Variants in NF1 observed in about 807,000 individuals in gnomAD.
NF1 encodes neurofibromin 1.
A neutral mutation model predicts 325.7 loss-of-function variants in NF1; 122 were observed. That is an observed-to-expected ratio of 0.37 (90% CI 0.32 to 0.44). The LOEUF (loss-of-function observed/expected upper bound fraction) is 0.44, where lower values mean the gene tolerates loss of function less well. Ranked by LOEUF, NF1 falls within the 20% of genes least tolerant of loss-of-function variation. The pLI, the probability that NF1 is intolerant of heterozygous loss-of-function variation, is 1.00. For synonymous variants in NF1, 1,091 were observed against 1,186.0 expected (o/e 0.92, Z 1.65); for missense variants, 2,140 against 3,415.4 (o/e 0.63, Z 9.31).
chr17:31,113,736 G>A (rs185038695), intron 1 of NF1, among the ~76,000 whole-genome samples: 168 of 152,200 alleles, frequency 1.1e-3, no homozygotes, highest in African/African-American at 3.8e-3. Flanking sequence ...GGCCAGGCTG[G>A]TCTCAAACTC....
intron 36 of NF1, among the ~76,000 whole-genome samples, chr17:31,316,511 A>T (rs901646585): frequency 2.0e-5 from 3 of 152,158 alleles, no homozygotes; most frequent in Non-Finnish European, 4.4e-5. Context: ...TCCTATTTTT[A>T]TGATGATATT....
At chr17:31,236,632 A>G (rs946300660) in intron 29 of NF1, among the ~76,000 whole-genome samples, 28 of 148,742 alleles carry the variant, frequency 1.9e-4, no homozygotes, top group Admixed American at 1.6e-3. Flanking sequence ...TGTATTTTTA[A>G]TAGAGATGGT....
chr17:31,291,129 A>G (rs545380089), intron 36 of NF1, among the ~76,000 whole-genome samples: 2 of 152,308 alleles, frequency 1.3e-5, no homozygotes, highest in South Asian at 4.1e-4. Context: ...TCTCATTGGA[A>G]TATTTTTCAG....
At position 31,357,196 on chromosome 17, in the gene NF1, T is replaced by C. The variant is rs191215418; in HGVS notation, c.7870-73T>C. 3.8e-6 allele frequency: 6 copies of C among 1,593,420 alleles called. No homozygotes were observed. The African/African-American group carries it at 5.4e-5, about 14-fold the overall frequency. On this transcript the variant is annotated intron_variant, in intron 53 of 57. Coordinates refer to ENST00000358273, the MANE Select transcript of NF1 (RefSeq NM_001042492.3). The stretch of plus-strand genomic sequence containing the variant: ...ACATGAATAGGATACAGTCTTCTAC[T>C]TCTCACCCAAACAGATAACAATTCA...
intron 36 of NF1, chr17:31,296,046 G>C: frequency 6.2e-7 from 1 of 1,614,064 alleles, no homozygotes; most frequent in Non-Finnish European, 8.5e-7. Context: ...CGAGGTAAGT[G>C]AGCAGGCAGG....
chr17:31,137,862 G>A (rs1261297157), intron 1 of NF1: 1 of 151,976 alleles, frequency 6.6e-6, no homozygotes, highest in African/African-American at 2.4e-5. Context: ...TCAGAATTTG[G>A]AAAGAATTTC....
chr17:31,146,413 A>G (rs1045026675), intron 1 of NF1, among the ~76,000 whole-genome samples: 28 of 67,992 alleles, frequency 4.1e-4, no homozygotes, highest in Non-Finnish European at 6.3e-4. Context: ...CTGTCTGTCC[A>G]TCCATCCATC....
chr17:31,200,339 C>A, intron 8 of NF1, 83 bp from the exon 9 acceptor site: 1 of 1,273,868 alleles, frequency 7.9e-7, no homozygotes, highest in Non-Finnish European at 1.1e-6. Flanking sequence ...GTTTTAGAGG[C>A]TGTTAATTTG....
chr17:31,261,326 G>A lies in NF1; in HGVS notation c.4578-385G>A, dbSNP rs182604079. ...TTTCATTAGCTCTTATTAGTCTCTT[G>A]TGTAACATAAATTACTTGCTGTCCC... On this transcript the variant is annotated intron_variant, in intron 34 of 57. Transcript: ENST00000358273. Among the ~76,000 whole-genome samples the A allele has an allele frequency of 3.4e-3, 514 of 151,542 alleles. 2 individuals carry two copies. The highest frequency in any genetic ancestry group is 5.3e-3 in the Non-Finnish European group (357 of 67,912).
chr17:31,227,095 G>T (rs2067027841), intron 18 of NF1, 123 bp from the exon 19 acceptor site: 10 of 978,222 alleles, frequency 1.0e-5, no homozygotes, highest in Non-Finnish European at 1.2e-5. Flanking sequence ...GGAAGTTTTT[G>T]GCTTTATCAT....
chr17:31,196,033 T>A (rs1288135028), intron 8 of NF1, among the ~76,000 whole-genome samples: 3 of 152,106 alleles, frequency 2.0e-5, no homozygotes, highest in Non-Finnish European at 4.4e-5. Flanking sequence ...CTTTTGATGG[T>A]TTGTTCTTTG....
At chr17:31,136,146 G>T (rs371272808) in intron 1 of NF1, 1 of 151,912 alleles carries the variant, frequency 6.6e-6, no homozygotes. Flanking sequence ...TGGCTAACGC[G>T]GTGAAACCCC....
At chr17:31,358,870 C>T (rs2070336324) in intron 55 of NF1, 99 bp from the exon 56 acceptor site, 1 of 1,148,156 alleles carries the variant, frequency 8.7e-7, no homozygotes, top group African/African-American at 1.5e-5. Flanking sequence ...TCAACATGTA[C>T]ATAGGGTTTA....
At chr17:31,237,643 C>A (rs1032133685) in intron 29 of NF1, among the ~76,000 whole-genome samples, 2 of 140,238 alleles carry the variant, frequency 1.4e-5, no homozygotes, top group Admixed American at 7.3e-5. Flanking sequence ...TTCTTGACAA[C>A]TTCTCATGTC....
intron 2 of NF1, among the ~76,000 whole-genome samples, chr17:31,156,622 A>T (rs1271441087): frequency 6.6e-6 from 1 of 152,172 alleles, no homozygotes; most frequent in East Asian, 1.9e-4. Context: ...TTCCTTCTGT[A>T]ACCTGTGACA....
intron 14 of NF1, among the ~76,000 whole-genome samples, chr17:31,221,595 C>A (rs2144001401): frequency 6.6e-6 from 1 of 152,094 alleles, no homozygotes; most frequent in East Asian, 1.9e-4. Flanking sequence ...GTTCCGAATT[C>A]ATCATTTAGC....
chr17:31,102,908 C>T (rs535450368), intron 1 of NF1, among the ~76,000 whole-genome samples: 9 of 151,534 alleles, frequency 5.9e-5, no homozygotes, highest in East Asian at 1.9e-4. Flanking sequence ...TGCAGTGGCA[C>T]GATCTCAGCT....
intron 54 of NF1, chr17:31,357,570 T>A (rs1432918438): frequency 1.0e-5 from 6 of 599,408 alleles, no homozygotes; most frequent in Admixed American, 3.0e-5. Flanking sequence ...GAAAGACTTT[T>A]AAAAAATCTG....
At chr17:31,285,645 C>G (rs978037425) in intron 36 of NF1, among the ~76,000 whole-genome samples, 7 of 152,022 alleles carry the variant, frequency 4.6e-5, no homozygotes, top group Non-Finnish European at 4.4e-5. Context: ...CCCAGGAGCT[C>G]GAGACAAACC....
Sources: allele counts gnomAD v4.1 joint callset (sites outside exome capture counted in the v4.1 genomes callset), GRCh38; gene constraint gnomAD v4.1.1; transcripts MANE v1.5; gene names NCBI Gene and HGNC (gene_info 2026-07-23, HGNC 2026-07-21).